GPC5: variants seen among roughly 807,000 people sequenced by gnomAD.
The protein encoded by GPC5 is glypican-5.
Under a neutral mutation model 53.9 loss-of-function variants are expected in GPC5, and 47 were observed. That is an observed-to-expected ratio of 0.87 (90% CI 0.69 to 1.11). GPC5 has a LOEUF of 1.11. Ranked by LOEUF, GPC5 falls within the 50% of genes most tolerant of loss-of-function variation. The pLI is 0.00. For synonymous variants in GPC5, 286 were observed against 263.3 expected (o/e 1.09, Z -0.84); for missense variants, 748 against 713.1 (o/e 1.05, Z -0.56).
chr13:92,646,813 T>C (rs1336619648), intron 7 of GPC5, among the ~76,000 whole-genome samples: 16 of 94,856 alleles, frequency 1.7e-4, no homozygotes, highest in African/African-American at 4.2e-4. Context: ...TAATTTCAAT[T>C]TTCAGTTTTA....
intron 5 of GPC5, among the ~76,000 whole-genome samples, chr13:91,872,163 G>A (rs962047263): frequency 1.3e-5 from 2 of 152,064 alleles, no homozygotes; most frequent in Non-Finnish European, 2.9e-5. Context: ...AGCTGTAAAT[G>A]GCTGTTCTCA....
Position 92,669,953 on chromosome 13 carries a change from G to C in GPC5, c.1562-196329G>C, listed in dbSNP as rs533681542. ...TGTTATTTGCCGTCACACAATCTAT[G>C]TTTTTCTACATTTATACCAATAATT... On this transcript the variant is annotated intron_variant, in intron 7 of 7. Transcript: ENST00000377067. Among the ~76,000 whole-genome samples the C allele has an allele frequency of 5.1e-4, 77 of 152,204 alleles. 1 individual carries two copies. The highest frequency in any genetic ancestry group is 9.1e-4 in the Non-Finnish European group (62 of 67,998).
chr13:91,674,646 TTATGCGTATGTGTATATATACGCATATA>T (rs1241423763), intron 2 of GPC5, among the ~76,000 whole-genome samples: 24 of 140,584 alleles, frequency 1.7e-4, no homozygotes, highest in Non-Finnish European at 1.9e-4. Context: ...CGTATGTGTA[TTATGCGTATGTGTATATATACGCATATA>T]TATGCGTATG....
At chr13:92,535,591 A>G (rs941093302) in intron 7 of GPC5, among the ~76,000 whole-genome samples, 9 of 152,022 alleles carry the variant, frequency 5.9e-5, no homozygotes, top group African/African-American at 2.2e-4. Context: ...AGGCCTCAGA[A>G]TAAGTTCTTG....
chr13:92,389,838 A>C (rs1211149441), intron 7 of GPC5, among the ~76,000 whole-genome samples: 2 of 152,196 alleles, frequency 1.3e-5, no homozygotes, highest in African/African-American at 4.8e-5. Flanking sequence ...AATATTATTC[A>C]TCTTACTCAG....
intron 5 of GPC5, among the ~76,000 whole-genome samples, chr13:91,835,116 G>A (rs2038708393): frequency 6.6e-6 from 1 of 152,138 alleles, no homozygotes; most frequent in South Asian, 2.1e-4. Flanking sequence ...AGACATTTAT[G>A]TCACCAAGAA....
intron 5 of GPC5, among the ~76,000 whole-genome samples, chr13:91,758,199 A>G (rs1469066244): frequency 6.6e-6 from 1 of 152,082 alleles, no homozygotes; most frequent in African/African-American, 2.4e-5. Context: ...GAGAGAAGTG[A>G]TAGCATTCTC....
At chr13:91,449,476 C>T (rs1471198825) in intron 2 of GPC5, among the ~76,000 whole-genome samples, 2 of 152,106 alleles carry the variant, frequency 1.3e-5, no homozygotes, top group Non-Finnish European at 2.9e-5. Context: ...TTGAGCCCTG[C>T]ATGCATTAGG....
intron 7 of GPC5, among the ~76,000 whole-genome samples, chr13:92,346,081 C>A (rs2043409223): frequency 6.6e-6 from 1 of 152,166 alleles, no homozygotes; most frequent in Non-Finnish European, 1.5e-5. Context: ...GACACTCCCA[C>A]CCCCATACAT....
intron 3 of GPC5, among the ~76,000 whole-genome samples, chr13:91,727,172 C>T (rs1251631568): frequency 2.6e-5 from 4 of 152,208 alleles, no homozygotes; most frequent in African/African-American, 9.6e-5. Context: ...AGATTTGTAT[C>T]TCTAGCAATT....
chr13:91,426,168 T>A lies in GPC5; in HGVS notation c.164-22593T>A, dbSNP rs573926378. On this transcript the variant is annotated intron_variant, in intron 1 of 7. Transcript: ENST00000377067. ...AGAAATTCAAGCCAGCTGCAGAAATTTGCATAAGTAATGAGGAGCCAAATG... is the reference window on the plus strand; with the variant it reads ...AGAAATTCAAGCCAGCTGCAGAAATATGCATAAGTAATGAGGAGCCAAATG... 2.0e-5 allele frequency among the ~76,000 whole-genome samples: 3 copies of A among 152,036 alleles called. No individual in the cohort carries two copies. The South Asian group carries it at 6.2e-4, about 32-fold the overall frequency.
At chr13:92,165,572 C>G (rs1346253777) in intron 7 of GPC5, among the ~76,000 whole-genome samples, 1 of 152,138 alleles carries the variant, frequency 6.6e-6, no homozygotes, top group Non-Finnish European at 1.5e-5. Flanking sequence ...GATCAGATCT[C>G]CTGAGAACAA....
At chr13:92,490,654 T>G (rs868759441) in intron 7 of GPC5, among the ~76,000 whole-genome samples, 1 of 152,144 alleles carries the variant, frequency 6.6e-6, no homozygotes, top group Non-Finnish European at 1.5e-5. Context: ...GATATAAAAG[T>G]GTTTTGTAAA....
intron 6 of GPC5, among the ~76,000 whole-genome samples, chr13:92,019,627 T>C (rs972868447): frequency 5.9e-5 from 9 of 152,082 alleles, no homozygotes; most frequent in African/African-American, 1.9e-4. Flanking sequence ...AGTGTTAAAA[T>C]GGAGAGCTAA....
chr13:91,704,714 C>G (rs2036061233), intron 3 of GPC5, among the ~76,000 whole-genome samples: 1 of 152,340 alleles, frequency 6.6e-6, no homozygotes, highest in East Asian at 1.9e-4. Flanking sequence ...ACCACAAAGT[C>G]AATAGTCATA....
intron 6 of GPC5, among the ~76,000 whole-genome samples, chr13:92,031,705 T>TATATAATATGTA: frequency 1.5e-5 from 1 of 64,928 alleles, no homozygotes; most frequent in East Asian, 2.8e-4. Context: ...TAATATATTA[T>TATATAATATGTA]ATATATTACA....
chr13:92,284,456 C>T (rs1330918858), intron 7 of GPC5, among the ~76,000 whole-genome samples: 3 of 152,102 alleles, frequency 2.0e-5, no homozygotes, highest in Admixed American at 6.6e-5. Flanking sequence ...AATTTTAGAC[C>T]GATATCCCTG....
chr13:92,729,749 G>C (rs1888751198), intron 7 of GPC5, among the ~76,000 whole-genome samples: 1 of 151,374 alleles, frequency 6.6e-6, no homozygotes, highest in Non-Finnish European at 1.5e-5. Context: ...AGACAGGAAA[G>C]ATAGGATTGA....
At chr13:91,904,140 CT>C (rs57293387) in intron 5 of GPC5, among the ~76,000 whole-genome samples, 90 of 94,634 alleles carry the variant, frequency 9.5e-4, no homozygotes, top group Admixed American at 1.3e-3. Flanking sequence ...TCTTTTCTTT[CT>C]TTTTTTTTTT....
Sources: allele counts gnomAD v4.1 joint callset (sites outside exome capture counted in the v4.1 genomes callset), GRCh38; gene constraint gnomAD v4.1.1; transcripts MANE v1.5; gene names NCBI Gene and HGNC (gene_info 2026-07-23, HGNC 2026-07-21).